Variants in TANGO6 observed in about 807,000 individuals in gnomAD.
TANGO6 encodes the protein transport and golgi organization 6 homolog.
A neutral mutation model predicts 114.2 loss-of-function variants in TANGO6; 90 were observed. The ratio of observed to expected loss-of-function variants is 0.79; its 90% confidence interval spans 0.66 to 0.94. The LOEUF (loss-of-function observed/expected upper bound fraction) is 0.94. TANGO6 is among the 40% of genes least tolerant of loss of function. The pLI is 0.00. For missense variants in TANGO6, 1,274 were observed against 1,315.3 expected, an observed-to-expected ratio of 0.97 and a Z score of 0.49; for synonymous variants, 477 against 509.8, an observed-to-expected ratio of 0.94 and a Z score of 0.87.
intron 3 of TANGO6, 75 bp downstream of exon 3, chr16:68,863,136 T>G: frequency 1.1e-6 from 1 of 875,542 alleles, no homozygotes; most frequent in Non-Finnish European, 1.7e-6. Context: ...TCTGGAAAAT[T>G]AAATAACTTT....
chr16:68,879,607 G>A (rs946734138), intron 6 of TANGO6, among the ~76,000 whole-genome samples: 9 of 150,858 alleles, frequency 6.0e-5, no homozygotes, highest in Non-Finnish European at 1.3e-4. Flanking sequence ...TATTAACTCT[G>A]CCATTTTCTT....
intron 17 of TANGO6, among the ~76,000 whole-genome samples, chr16:69,056,875 T>C (rs1266203024): frequency 6.6e-6 from 1 of 151,924 alleles, no homozygotes; most frequent in Non-Finnish European, 1.5e-5. Context: ...AGAGACGGGG[T>C]TTCACCGTGT....
chr16:69,067,534 A>AAAAAAAAAAAAAAAAC, intron 17 of TANGO6, among the ~76,000 whole-genome samples: 1 of 147,342 alleles, frequency 6.8e-6, no homozygotes, highest in East Asian at 2.0e-4. Context: ...AAAAAAAAAA[A>AAAAAAAAAAAAAAAAC]AAACGCTGGG....
At chr16:68,894,929 C>G (rs1370939167) in intron 7 of TANGO6, among the ~76,000 whole-genome samples, 1 of 152,124 alleles carries the variant, frequency 6.6e-6, no homozygotes, top group African/African-American at 2.4e-5. Flanking sequence ...TGCTTTCCCT[C>G]TATGTGGATT....
chr16:68,867,281 G>A, intron 4 of TANGO6, 61 bp downstream of exon 4: 1 of 1,602,530 alleles, frequency 6.2e-7, no homozygotes, highest in Non-Finnish European at 8.5e-7. Flanking sequence ...AGAGTCTGAG[G>A]TGAATTATTG....
chr16:68,911,081 G>A (rs1962916883), intron 11 of TANGO6, among the ~76,000 whole-genome samples: 1 of 152,034 alleles, frequency 6.6e-6, no homozygotes, highest in Non-Finnish European at 1.5e-5. Context: ...ATAAAAAAGA[G>A]GTATAAAGTA....
intron 3 of TANGO6, among the ~76,000 whole-genome samples, chr16:68,864,152 C>T (rs549019797): frequency 4.8e-4 from 72 of 148,830 alleles, no homozygotes; most frequent in African/African-American, 1.7e-3. Context: ...CCAGCCTGGG[C>T]AACAAGAGCA....
chr16:68,900,097 TATC>T (rs1346649434), intron 7 of TANGO6: 1 of 230,898 alleles, frequency 4.3e-6, no homozygotes, highest in Non-Finnish European at 8.3e-6. Context: ...GTAGGACAGT[TATC>T]ATATGGTTAC....
chr16:68,999,018 G>T (rs749395904), intron 15 of TANGO6, among the ~76,000 whole-genome samples: 16 of 151,776 alleles, frequency 1.1e-4, no homozygotes, highest in Non-Finnish European at 1.6e-4. Flanking sequence ...GAGTAGCTGG[G>T]ACTACAGGTG....
chr16:68,958,420 C>T (rs1348270923), intron 14 of TANGO6, among the ~76,000 whole-genome samples: 2 of 137,230 alleles, frequency 1.5e-5, no homozygotes, highest in Non-Finnish European at 3.1e-5. Context: ...ACCTGGGAGG[C>T]GGAGGTTGCA....
At chr16:69,016,749 T>G (rs1283062982) in intron 15 of TANGO6, among the ~76,000 whole-genome samples, 1 of 152,160 alleles carries the variant, frequency 6.6e-6, no homozygotes, top group Non-Finnish European at 1.5e-5. Flanking sequence ...AACCTCCGCC[T>G]CCTGGGTTAA....
intron 6 of TANGO6, among the ~76,000 whole-genome samples, chr16:68,879,389 G>A (rs1023334324): frequency 3.9e-5 from 6 of 152,004 alleles, no homozygotes; most frequent in Non-Finnish European, 8.8e-5. Context: ...AAGCTGAGGT[G>A]GGAGGATCAC....
At chr16:69,066,182 CTCGCCTTCATTTAT>C (rs1306144963) in intron 17 of TANGO6, among the ~76,000 whole-genome samples, 2 of 152,202 alleles carry the variant, frequency 1.3e-5, no homozygotes, top group Non-Finnish European at 2.9e-5. Context: ...CTTCCTCTCA[CTCGCCTTCATTTAT>C]TCATCTGCCC....
intron 10 of TANGO6, among the ~76,000 whole-genome samples, chr16:68,908,778 C>A (rs533857463): frequency 2.2e-4 from 34 of 152,180 alleles, no homozygotes; most frequent in Non-Finnish European, 4.4e-4. Flanking sequence ...GATCTGAGGT[C>A]TCAGTTCAAG....
At chr16:69,039,001 G>A (rs1440409980) in intron 16 of TANGO6, among the ~76,000 whole-genome samples, 1 of 152,108 alleles carries the variant, frequency 6.6e-6, no homozygotes, top group East Asian at 1.9e-4. Flanking sequence ...GGCTAACACG[G>A]TGAAAAACCC....
intron 12 of TANGO6, among the ~76,000 whole-genome samples, chr16:68,921,278 G>A (rs555662283): frequency 2.6e-4 from 40 of 151,200 alleles, no homozygotes; most frequent in African/African-American, 8.5e-4. Flanking sequence ...CACCTCCTGG[G>A]TTCAAGCAAT....
chr16:68,899,217 G>A (rs1962751435), intron 7 of TANGO6, among the ~76,000 whole-genome samples: 1 of 152,056 alleles, frequency 6.6e-6, no homozygotes, highest in South Asian at 2.1e-4. Context: ...AGGCTGCAGT[G>A]AGCTGTGATT....
chr16:69,056,386 G>T (rs1468099201), intron 17 of TANGO6, among the ~76,000 whole-genome samples: 1 of 152,154 alleles, frequency 6.6e-6, no homozygotes, highest in Non-Finnish European at 1.5e-5. Flanking sequence ...TGTTAGAAGT[G>T]GAAGAGGATT....
intron 15 of TANGO6, among the ~76,000 whole-genome samples, chr16:68,982,549 C>A (rs1044780835): frequency 6.6e-6 from 1 of 151,544 alleles, no homozygotes; most frequent in Non-Finnish European, 1.5e-5. Context: ...AGGCTGGTCT[C>A]GAACTCCTCA....
Sources: allele counts gnomAD v4.1 joint callset (sites outside exome capture counted in the v4.1 genomes callset), GRCh38; gene constraint gnomAD v4.1.1; transcripts MANE v1.5; gene names NCBI Gene and HGNC (gene_info 2026-07-23, HGNC 2026-07-21).